The following CACNA1E variants were observed in gnomAD, a reference collection of about 807,000 sequenced individuals.
CACNA1E encodes the protein calcium voltage-gated channel subunit alpha1 E, also known as voltage-dependent R-type calcium channel subunit alpha-1E.
CACNA1E carries 40 observed loss-of-function variants against 259.2 expected under a neutral mutation model. That is an observed-to-expected ratio of 0.15 (90% confidence interval 0.12 to 0.20). The LOEUF (loss-of-function observed/expected upper bound fraction) is 0.20. Ranked by LOEUF, CACNA1E falls within the 10% of genes least tolerant of loss-of-function variation. The pLI, the probability that CACNA1E is intolerant of heterozygous loss-of-function variation, is 1.00. For synonymous variants in CACNA1E, 1,104 were observed against 1,138.5 expected (o/e 0.97, Z 0.61); for missense variants, 1,874 against 3,040.1 (o/e 0.62, Z 9.02).
At chr1:181,587,889 A>AAAAAG (rs908012873) in intron 6 of CACNA1E, among the ~76,000 whole-genome samples, 1 of 152,190 alleles carries the variant, frequency 6.6e-6, no homozygotes, top group African/African-American at 2.4e-5. Context: ...TCTCAAGAAA[A>AAAAAG]AAAGAAAGAA....
chr1:181,641,709 T>TTG (rs1553308040), intron 6 of CACNA1E, among the ~76,000 whole-genome samples: 2 of 56,124 alleles, frequency 3.6e-5, no homozygotes, highest in Non-Finnish European at 4.5e-5. Context: ...TTTTGTTTTT[T>TTG]TTTTTTTTTT....
intron 12 of CACNA1E, among the ~76,000 whole-genome samples, chr1:181,718,767 G>T (rs554738431): frequency 1.3e-5 from 2 of 152,096 alleles, no homozygotes; most frequent in East Asian, 1.9e-4. Flanking sequence ...ACACTTCAAG[G>T]TGCTTTCACG....
Position 181,580,767 on chromosome 1 carries a change from G to A in CACNA1E, c.942G>A (p.Val314=). ...TCACCATGGAAGGGTGGACCACTGT[G>A]CTGTACAATGTGAGTAGAGCTGGTG... ...QCITMEGWTT[V]LYNTNDALGA... is the part of the protein sequence containing the mutation. Residue 314 remains valine (V), a synonymous_variant, in exon 6 of 48, where the codon GTG becomes GTA. Transcript: ENST00000367573. 1.2e-6 allele frequency: 2 copies of A among 1,613,958 alleles called. No homozygotes were observed. Among genetic ancestry groups the A allele is most frequent in the Non-Finnish European group, 1.7e-6 (2 of 1,179,828 alleles).
At chr1:181,637,533 T>C (rs1657353895) in intron 6 of CACNA1E, among the ~76,000 whole-genome samples, 1 of 151,732 alleles carries the variant, frequency 6.6e-6, no homozygotes, top group Non-Finnish European at 1.5e-5. Context: ...CCTTTCTGCT[T>C]GTCTCAGATT....
At chr1:181,457,627 C>T (rs569692799) in intron 2 of CACNA1E, among the ~76,000 whole-genome samples, 14 of 152,320 alleles carry the variant, frequency 9.2e-5, no homozygotes, top group African/African-American at 3.4e-4. Context: ...GCAGGGCTGG[C>T]AGCCATAGCT....
At chr1:181,625,984 G>A (rs982930724) in intron 6 of CACNA1E, among the ~76,000 whole-genome samples, 1 of 152,218 alleles carries the variant, frequency 6.6e-6, no homozygotes, top group South Asian at 2.1e-4. Context: ...TCAGGGGATA[G>A]GGAGGCCAAA....
At chr1:181,529,186 C>T (rs2102718678) in intron 3 of CACNA1E, among the ~76,000 whole-genome samples, 1 of 152,328 alleles carries the variant, frequency 6.6e-6, no homozygotes, top group Admixed American at 6.5e-5. Flanking sequence ...ATGTACAGCT[C>T]AGGCTGTGGC....
intron 1 of CACNA1E, among the ~76,000 whole-genome samples, chr1:181,497,430 T>C (rs954294901): frequency 1.3e-5 from 2 of 152,164 alleles, no homozygotes; most frequent in African/African-American, 4.8e-5. Context: ...TTTTATCATA[T>C]AATTTTACCA....
chr1:181,753,140 C>A (rs370181404), intron 27 of CACNA1E, among the ~76,000 whole-genome samples: 2 of 125,930 alleles, frequency 1.6e-5, no homozygotes, highest in Non-Finnish European at 3.7e-5. Flanking sequence ...CAAGCCCCAT[C>A]TTCAGGGGCT....
At chr1:181,392,750 T>G (rs554622036) in intron 1 of CACNA1E, among the ~76,000 whole-genome samples, 8 of 152,238 alleles carry the variant, frequency 5.3e-5, no homozygotes, top group African/African-American at 1.4e-4. Flanking sequence ...TGGAACCAAA[T>G]GTGAGACTGT....
In CACNA1E at chr1:181,564,768, T is replaced by G. The variant is rs554630258; in HGVS notation, c.513-12998T>G. ...GTATGACTTGAAAGTCGAAATTACTTCTTGATCCATGGACTGCAGAGTGGA... is the reference window on the plus strand; with the variant it reads ...GTATGACTTGAAAGTCGAAATTACTGCTTGATCCATGGACTGCAGAGTGGA... On this transcript the variant is annotated intron_variant, in intron 3 of 47. Coordinates refer to ENST00000367573, the MANE Select transcript of CACNA1E (RefSeq NM_001205293.3). Among the ~76,000 whole-genome samples, 9 of 152,358 alleles carry G rather than the reference T, an allele frequency of 5.9e-5. No individual in the cohort carries two copies. The East Asian group carries it at 1.7e-3, about 29-fold the overall frequency.
At chr1:181,643,474 A>C (rs1657984097) in intron 6 of CACNA1E, among the ~76,000 whole-genome samples, 1 of 152,124 alleles carries the variant, frequency 6.6e-6, no homozygotes, top group Non-Finnish European at 1.5e-5. Flanking sequence ...TTGCTCTTGA[A>C]TTGTCCTCCC....
intron 17 of CACNA1E, among the ~76,000 whole-genome samples, chr1:181,725,423 A>G (rs1282849138): frequency 6.6e-6 from 1 of 152,236 alleles, no homozygotes; most frequent in Admixed American, 6.5e-5. Flanking sequence ...ACCTTACAGG[A>G]TTACTGTGAG....
chr1:181,602,271 T>C (rs2103069335), intron 6 of CACNA1E, among the ~76,000 whole-genome samples: 1 of 152,358 alleles, frequency 6.6e-6, no homozygotes, highest in East Asian at 1.9e-4. Context: ...CAGTTGATGC[T>C]CAGGTTAGTA....
At chr1:181,368,356 A>G (rs941708438) in intron 1 of CACNA1E, among the ~76,000 whole-genome samples, 20 of 152,334 alleles carry the variant, frequency 1.3e-4, no homozygotes, top group African/African-American at 4.1e-4. Context: ...AGGGTGACAA[A>G]TGAAAACTAT....
At chr1:181,444,097 A>T in intron 2 of CACNA1E, among the ~76,000 whole-genome samples, 1 of 151,122 alleles carries the variant, frequency 6.6e-6, no homozygotes, top group African/African-American at 2.4e-5. Context: ...ATTTTTTCTC[A>T]CTCTTTTGCT....
intron 2 of CACNA1E, among the ~76,000 whole-genome samples, chr1:181,470,054 T>A (rs556161240): frequency 8.2e-4 from 118 of 143,362 alleles, no homozygotes; most frequent in Middle Eastern, 3.5e-3. Flanking sequence ...AGAGAGAGAG[T>A]GAGAGAGAGA....
In CACNA1E at chr1:181,770,113, GA is replaced by G. The variant is rs369996263; in HGVS notation, c.4882-1179del. 1.4e-4 allele frequency among the ~76,000 whole-genome samples: 22 copies of G among 152,306 alleles called. No individual in the cohort carries two copies. The East Asian group carries it at 3.1e-3, about 21-fold the overall frequency. The stretch of plus-strand genomic sequence containing the variant: ...CTTGAGCAAAATAGCTGGGGGCAGA[GA>G]TTGTTCCTCAATTGCACATTCTAAA... On this transcript the variant is annotated intron_variant, in intron 35 of 47. Coordinates refer to ENST00000367573, the MANE Select transcript of CACNA1E (RefSeq NM_001205293.3).
Position 181,794,941 on chromosome 1 carries a change from G to A in CACNA1E, c.6105G>A (p.Glu2035=), listed in dbSNP as rs1283175098. The change falls in exon 46 of 48, where the codon GAG becomes GAA. Residue 2035 remains glutamate, a synonymous_variant. Transcript: ENST00000367573. ...AGCGTTCAAATTCCTCGTGGTTGGA[G>A]GAATTCTCCATGGAGCGAAGCAGTG... ...RDKRSNSSWL[E]EFSMERSSEN... is the part of the protein sequence containing the mutation. 3.1e-6 allele frequency: 5 copies of A among 1,613,830 alleles called. No homozygotes were observed. The Admixed American group carries it at 6.7e-5, about 22-fold the overall frequency.
Sources: gnomAD v4.1 joint callset for allele counts (sites outside exome capture counted in the v4.1 genomes callset) on GRCh38, gnomAD v4.1.1 for gene constraint, MANE v1.5 for transcripts, NCBI Gene and HGNC (gene_info 2026-07-23, HGNC 2026-07-21) for gene names.